Variants in DNAH5 observed in about 807,000 individuals in gnomAD.
DNAH5 encodes the protein dynein axonemal heavy chain 5.
Under a neutral mutation model 518.2 loss-of-function variants are expected in DNAH5, and 372 were observed. That is an observed-to-expected ratio of 0.72 (90% CI 0.66 to 0.78). The LOEUF (loss-of-function observed/expected upper bound fraction) is 0.78, where lower values mean the gene tolerates loss of function less well. Ranked by LOEUF, DNAH5 falls within the 30% of genes least tolerant of loss-of-function variation. The pLI, the probability that DNAH5 is intolerant of heterozygous loss-of-function variation, is 0.00. For missense variants in DNAH5, 5,523 were observed against 5,687.0 expected (o/e 0.97, Z 0.93); for synonymous variants, 2,039 against 2,025.9 (o/e 1.01, Z -0.17).
chr5:13,774,695 A>T (rs1281633067), intron 55 of DNAH5, among the ~76,000 whole-genome samples: 2 of 152,180 alleles, frequency 1.3e-5, no homozygotes, highest in African/African-American at 4.8e-5. Context: ...CTGAGGATAA[A>T]GAAAGGAAAG....
In DNAH5 at chr5:13,708,132, C is replaced by A; in HGVS notation, c.13329G>T (p.Trp4443Cys). Reference protein sequence around the residue: ...DCMFDARIPAWWKKASWISST... With the variant: ...DCMFDARIPACWKKASWISST... ...GCAGGCTTATACGTACTTTTTTCCA[C>A]CAAGCAGGGATTCTAGCATCAAACA... Residue 4443 changes from tryptophan (W) to cysteine (C), a missense_variant, in exon 76 of 79, where the codon TGG (tryptophan) becomes TGT (cysteine). Physicochemically the swap from Trp to Cys is radical, Grantham distance 215. Coordinates refer to ENST00000265104, the MANE Select transcript of DNAH5 (RefSeq NM_001369.3). The A allele has an allele frequency of 6.2e-7, 1 of 1,614,084 alleles. No individual in the cohort carries two copies. Among genetic ancestry groups the A allele is most frequent in the Non-Finnish European group, 8.5e-7 (1 of 1,179,984 alleles).
At chr5:13,948,521 T>C (rs186125952), upstream of DNAH5, among the ~76,000 whole-genome samples, 1 of 152,294 alleles carries the variant, frequency 6.6e-6, no homozygotes. Flanking sequence ...GCAAGCCCTA[T>C]AGAAGAATAA....
rs968026897 is a variant in DNAH5, at chr5:13,692,226, CA to C, written c.13724-92del. 30 of 1,437,936 alleles carry C rather than the reference CA, an allele frequency of 2.1e-5. No individual in the cohort carries two copies. The Admixed American group carries it at 3.2e-4, about 15-fold the overall frequency. The allele number at this position is 1,437,936 out of a possible 1,614,324, so 89.1% of individuals were successfully genotyped here. A position where few individuals can be genotyped will look rare whatever the true frequency, so the allele number is the denominator to read the frequency against. On this transcript the variant is annotated intron_variant, in intron 78 of 78. Transcript: ENST00000265104. ...AGCCATGCTTCTGCATTCTGTAGGTCATTTCAAAAACAGATGGGTTTGGCTG... is the reference window on the plus strand; with the variant it reads ...AGCCATGCTTCTGCATTCTGTAGGTCTTTCAAAAACAGATGGGTTTGGCTG...
chr5:13,917,977 G>T (rs1253083496), intron 7 of DNAH5, among the ~76,000 whole-genome samples: 2 of 152,208 alleles, frequency 1.3e-5, no homozygotes, highest in African/African-American at 2.4e-5. Context: ...AGTGCCAGGT[G>T]AGTTAGGCAG....
Position 13,814,642 on chromosome 5 carries a change from A to G in DNAH5, c.7193T>C (p.Met2398Thr). Reference protein sequence around the residue: ...ATVSRNGMVFMSSSILDWSPI... With the variant: ...ATVSRNGMVFTSSSILDWSPI... ...ACTCCAATCAAGGATAGAAGAGCTCATGAAAACCATTCCATTTCTTGAGAC... is the reference window on the plus strand; with the variant it reads ...ACTCCAATCAAGGATAGAAGAGCTCGTGAAAACCATTCCATTTCTTGAGAC... The change falls in exon 43 of 79, where the codon ATG (methionine) becomes ACG (threonine). Residue 2398 changes from methionine to threonine, a missense_variant. Transcript: ENST00000265104. The G allele has an allele frequency of 6.2e-6, 10 of 1,613,226 alleles. No homozygotes were observed. The South Asian group carries it at 9.9e-5, about 16-fold the overall frequency.
chr5:13,842,199 G>C (rs1357112675), intron 32 of DNAH5, among the ~76,000 whole-genome samples: 1 of 151,732 alleles, frequency 6.6e-6, no homozygotes, highest in African/African-American at 2.4e-5. Flanking sequence ...GGGCAATATG[G>C]TGAAACCCTG....
chr5:13,984,356 T>C (rs1423119815), intron 1 of DNAH5, among the ~76,000 whole-genome samples: 2 of 152,238 alleles, frequency 1.3e-5, no homozygotes, highest in East Asian at 3.8e-4. Context: ...TAAGAACGCT[T>C]GTGATTTATC....
chr5:13,770,982 T>C lies in DNAH5; in HGVS notation c.9374-2A>G. 1.3e-6 allele frequency: 2 copies of C among 1,599,896 alleles called. No homozygotes were observed. Among genetic ancestry groups the C allele is most frequent in the Non-Finnish European group, 1.7e-6 (2 of 1,167,300 alleles). On this transcript the variant is annotated splice_acceptor_variant, in intron 55 of 78. Coordinates refer to ENST00000265104, the MANE Select transcript of DNAH5 (RefSeq NM_001369.3). LOFTEE classifies it high-confidence loss of function. Reference sequence around the variant, plus strand: ...AGGAAGTGAGGAAGTGTTCAGACACTAGAGAGAATAAAGATGACAGTGTGT... The same window carrying C: ...AGGAAGTGAGGAAGTGTTCAGACACCAGAGAGAATAAAGATGACAGTGTGT...
At chr5:13,781,934 T>G (rs1284634626) in intron 52 of DNAH5, among the ~76,000 whole-genome samples, 1 of 152,182 alleles carries the variant, frequency 6.6e-6, no homozygotes, top group African/African-American at 2.4e-5. Flanking sequence ...TTCACACTGT[T>G]CAATAGCCCA....
At chr5:13,764,210 TCTC>T (rs1180518010) in intron 59 of DNAH5, among the ~76,000 whole-genome samples, 1 of 152,094 alleles carries the variant, frequency 6.6e-6, no homozygotes, top group Non-Finnish European at 1.5e-5. Flanking sequence ...TGGGCAAAGA[TCTC>T]CTAAACAGAA....
chr5:13,765,370 G>C (rs986920226), intron 59 of DNAH5, among the ~76,000 whole-genome samples: 1 of 152,004 alleles, frequency 6.6e-6, no homozygotes, highest in African/African-American at 2.4e-5. Context: ...GAATGAAAGA[G>C]GTCAAAACAA....
chr5:13,928,936 G>C (rs79716918), intron 2 of DNAH5, among the ~76,000 whole-genome samples: 5 of 152,102 alleles, frequency 3.3e-5, no homozygotes, highest in Admixed American at 6.5e-5. Context: ...CAGTATGAAG[G>C]CTCCTTAAAA....
chr5:13,977,528 C>G (rs1782349421), intron 1 of DNAH5, among the ~76,000 whole-genome samples: 1 of 152,202 alleles, frequency 6.6e-6, no homozygotes, highest in Non-Finnish European at 1.5e-5. Context: ...GTCTTGCACA[C>G]AGACCTTCCT....
At chr5:14,011,659 T>A (rs1434060666) in exon 1 of DNAH5, among the ~76,000 whole-genome samples, 1 of 152,084 alleles carries the variant, frequency 6.6e-6, no homozygotes, top group Admixed American at 6.5e-5. Flanking sequence ...AGTTTGTCCA[T>A]GGCGCTGTGC....
intron 55 of DNAH5, among the ~76,000 whole-genome samples, chr5:13,775,878 T>A (rs1232420627): frequency 2.0e-5 from 3 of 151,794 alleles, no homozygotes; most frequent in African/African-American, 4.8e-5. Flanking sequence ...CTGTCCTGAA[T>A]CAGGGTTCTC....
chr5:13,842,423 A>AAAGGAAAG (rs1391485740), intron 32 of DNAH5, among the ~76,000 whole-genome samples: 2 of 75,898 alleles, frequency 2.6e-5, no homozygotes, highest in East Asian at 1.0e-3. Context: ...AAAAGAAAAG[A>AAAGGAAAG]AAAGAAAGAA....
Position 13,919,415 on chromosome 5 carries a change from C to A in DNAH5, c.799-63G>T. The A allele has an allele frequency of 2.5e-6, 4 of 1,577,718 alleles. No individual in the cohort carries two copies. In the Admixed American group the frequency reaches 5.2e-5, roughly 21 times the overall value. ...GGGCTGGAGACGCTAAAGTTATAAA[C>A]AAGCAAAAAACAAATAAGGAAATCA... On this transcript the variant is annotated intron_variant, in intron 6 of 78. Transcript: ENST00000265104.
At chr5:13,713,401 A>G (rs1292355154) in intron 75 of DNAH5, among the ~76,000 whole-genome samples, 1 of 128,062 alleles carries the variant, frequency 7.8e-6, no homozygotes, top group Non-Finnish European at 1.7e-5. Flanking sequence ...ACTGACATAT[A>G]TATATACACC....
intron 1 of DNAH5, among the ~76,000 whole-genome samples, chr5:13,959,021 C>T (rs1347424579): frequency 1.3e-5 from 2 of 152,068 alleles, no homozygotes; most frequent in Admixed American, 1.3e-4. Context: ...TGCAGTGGTG[C>T]GATCTTGGCT....
Sources: allele counts gnomAD v4.1 joint callset (sites outside exome capture counted in the v4.1 genomes callset), GRCh38; gene constraint gnomAD v4.1.1; transcripts MANE v1.5; gene names NCBI Gene and HGNC (gene_info 2026-07-23, HGNC 2026-07-21).